KCNB2: variants seen among roughly 807,000 people sequenced by gnomAD.
KCNB2 encodes delayed rectifier potassium channel protein.
Under a neutral mutation model 61.5 loss-of-function variants are expected in KCNB2, and 15 were observed. The ratio of observed to expected loss-of-function variants is 0.24; its 90% CI spans 0.16 to 0.38. KCNB2 has a LOEUF of 0.38. Among genes scored for constraint, KCNB2 ranks in the 10% least tolerant of loss-of-function variants. KCNB2 has a pLI of 1.00. For synonymous variants in KCNB2, 457 were observed against 446.0 expected, an observed-to-expected ratio of 1.02 and a Z score of -0.31; for missense variants, 828 against 1,125.2, an observed-to-expected ratio of 0.74 and a Z score of 3.78.
intron 2 of KCNB2, among the ~76,000 whole-genome samples, chr8:72,779,167 A>T (rs563346214): frequency 6.6e-6 from 1 of 152,190 alleles, no homozygotes; most frequent in Admixed American, 6.5e-5. Context: ...AGGCTTTGGC[A>T]TGAGAGACTC....
At position 72,937,841 on chromosome 8, in the gene KCNB2, C is replaced by T; in HGVS notation, c.2486C>T (p.Ser829Phe). Reference protein sequence around the residue: ...PGAREEKQVDSSPNCFADKPS... With the variant: ...PGAREEKQVDFSPNCFADKPS... Reference sequence around the variant, plus strand: ...GCAAGGGAGGAGAAGCAGGTGGACTCCAGCCCAAATTGCTTTGCAGATAAG... The same window carrying T: ...GCAAGGGAGGAGAAGCAGGTGGACTTCAGCCCAAATTGCTTTGCAGATAAG... The change falls in exon 3 of 3, where the codon TCC becomes TTC. Residue 829 changes from serine to phenylalanine, a missense_variant. Ser to Phe is a radical substitution (Grantham distance 155, BLOSUM62 -2). Transcript: ENST00000523207. 6.2e-7 allele frequency: 1 copy of T among 1,614,040 alleles called. No homozygotes were observed. The highest frequency in any genetic ancestry group is 8.5e-7 in the Non-Finnish European group (1 of 1,180,004).
chr8:72,777,128 T>TAC (rs1188592530), intron 2 of KCNB2, among the ~76,000 whole-genome samples: 2 of 152,216 alleles, frequency 1.3e-5, no homozygotes, highest in Non-Finnish European at 2.9e-5. Context: ...TTAAGCAGTA[T>TAC]CTTCTCTCTT....
chr8:72,775,664 T>C (rs1219702452), intron 2 of KCNB2, among the ~76,000 whole-genome samples: 1 of 148,904 alleles, frequency 6.7e-6, no homozygotes, highest in East Asian at 2.0e-4. Context: ...CTCCTGACCC[T>C]CCCCCCTTCC....
chr8:72,863,775 C>G (rs1341368416), intron 2 of KCNB2, among the ~76,000 whole-genome samples: 2 of 152,140 alleles, frequency 1.3e-5, no homozygotes, highest in Non-Finnish European at 2.9e-5. Context: ...CTTAGGAGGC[C>G]AAGGCAGGCA....
At chr8:72,904,962 T>C (rs1585965850) in intron 2 of KCNB2, among the ~76,000 whole-genome samples, 1 of 152,112 alleles carries the variant, frequency 6.6e-6, no homozygotes, top group African/African-American at 2.4e-5. Flanking sequence ...GGGTGATGTA[T>C]AGCTGGATGG....
At chr8:72,546,303 C>G (rs2128976842) in intron 1 of KCNB2, among the ~76,000 whole-genome samples, 1 of 152,182 alleles carries the variant, frequency 6.6e-6, no homozygotes, top group African/African-American at 2.4e-5. Flanking sequence ...ATCACAAGGT[C>G]AGGAGTTCAA....
At chr8:72,715,098 CAAG>C (rs1807405264) in intron 2 of KCNB2, among the ~76,000 whole-genome samples, 1 of 152,176 alleles carries the variant, frequency 6.6e-6, no homozygotes, top group Admixed American at 6.5e-5. Context: ...ATCAATTCAA[CAAG>C]AAGAACTAAC....
intron 1 of KCNB2, among the ~76,000 whole-genome samples, chr8:72,553,866 T>C (rs1397986434): frequency 2.6e-5 from 4 of 152,132 alleles, no homozygotes; most frequent in Admixed American, 6.5e-5. Flanking sequence ...AATACAGTGC[T>C]TCATGGGTAG....
At chr8:72,550,303 G>A (rs969943996) in intron 1 of KCNB2, among the ~76,000 whole-genome samples, 1 of 152,166 alleles carries the variant, frequency 6.6e-6, no homozygotes, top group Admixed American at 6.5e-5. Flanking sequence ...GGAAATTGTA[G>A]CCAGCTTTTT....
chr8:72,564,716 T>G (rs556017414), intron 1 of KCNB2, among the ~76,000 whole-genome samples: 1 of 152,302 alleles, frequency 6.6e-6, no homozygotes, highest in East Asian at 1.9e-4. Flanking sequence ...TGCTATGAGG[T>G]GCCTGTTATG....
intron 2 of KCNB2, among the ~76,000 whole-genome samples, chr8:72,737,520 G>A (rs1807867420): frequency 6.6e-6 from 1 of 152,136 alleles, no homozygotes. Flanking sequence ...ATCCTTCTGT[G>A]ATGTTTTCTA....
intron 2 of KCNB2, among the ~76,000 whole-genome samples, chr8:72,764,725 T>A (rs557834136): frequency 6.6e-6 from 1 of 152,326 alleles, no homozygotes; most frequent in East Asian, 1.9e-4. Flanking sequence ...CACAGAATAA[T>A]CCTACCCAAT....
At chr8:72,836,793 C>G (rs975874740) in intron 2 of KCNB2, among the ~76,000 whole-genome samples, 2 of 152,078 alleles carry the variant, frequency 1.3e-5, no homozygotes, top group African/African-American at 4.8e-5. Flanking sequence ...TACCTGTAGT[C>G]CCAGCTACTT....
intron 2 of KCNB2, among the ~76,000 whole-genome samples, chr8:72,763,371 C>T (rs1452447814): frequency 6.6e-6 from 1 of 151,868 alleles, no homozygotes; most frequent in East Asian, 1.9e-4. Flanking sequence ...ACAACAAGCA[C>T]CGAAGTATCA....
At chr8:72,715,826 GGAGACA>G (rs1807428306) in intron 2 of KCNB2, among the ~76,000 whole-genome samples, 1 of 152,132 alleles carries the variant, frequency 6.6e-6, no homozygotes, top group Non-Finnish European at 1.5e-5. Flanking sequence ...CAGAACTGAA[GGAGACA>G]GAGACACAAA....
At chr8:72,748,689 AT>A (rs1299490475) in intron 2 of KCNB2, among the ~76,000 whole-genome samples, 1 of 145,042 alleles carries the variant, frequency 6.9e-6, no homozygotes, top group Non-Finnish European at 1.5e-5. Context: ...AAAATCTCTG[AT>A]TTTTTAAATT....
At chr8:72,855,888 C>T (rs750994673) in intron 2 of KCNB2, among the ~76,000 whole-genome samples, 2 of 152,158 alleles carry the variant, frequency 1.3e-5, no homozygotes, top group African/African-American at 2.4e-5. Context: ...ATAGTATTTG[C>T]ATATAACCTA....
intron 2 of KCNB2, among the ~76,000 whole-genome samples, chr8:72,714,247 T>C (rs1807380949): frequency 6.6e-6 from 1 of 152,112 alleles, no homozygotes; most frequent in Admixed American, 6.5e-5. Context: ...CAGGATATTA[T>C]CCAGGAGAAC....
At position 72,882,774 on chromosome 8, in the gene KCNB2, CTTG is replaced by C. The variant is rs149362695; in HGVS notation, c.580-53152_580-53150del. 8.7e-3 allele frequency among the ~76,000 whole-genome samples: 1,316 copies of C among 152,084 alleles called. 8 individuals carry two copies. Among genetic ancestry groups the C allele is most frequent in the African/African-American group, 0.011 (451 of 41,492 alleles). On this transcript the variant is annotated intron_variant, in intron 2 of 2. Transcript: ENST00000523207. ...CAGGAGAGGCTTGCTTCATGTTGCT[CTTG>C]TTGTTGTTTTGTGCTACATATTATT... is the stretch of plus-strand genomic sequence containing the variant.
Sources: allele counts gnomAD v4.1 joint callset (sites outside exome capture counted in the v4.1 genomes callset), GRCh38; gene constraint gnomAD v4.1.1; transcripts MANE v1.5; gene names NCBI Gene and HGNC (gene_info 2026-07-23, HGNC 2026-07-21).